RIMS1: variants seen among roughly 807,000 people sequenced by gnomAD.
RIMS1 encodes the protein regulating synaptic membrane exocytosis 1, also known as regulating synaptic membrane exocytosis protein 1.
RIMS1 carries 83 observed loss-of-function variants against 214.1 expected under a neutral mutation model. The observed-to-expected ratio is 0.39, with a 90% CI of 0.32 to 0.47. RIMS1 has a LOEUF of 0.47. RIMS1 is among the 20% of genes least tolerant of loss of function. The pLI is 0.99. For missense variants in RIMS1, 2,050 were observed against 2,161.8 expected (o/e 0.95, Z 1.03); for synonymous variants, 793 against 786.8 (o/e 1.01, Z -0.13).
At chr6:72,145,090 T>C (rs548617038) in intron 4 of RIMS1, among the ~76,000 whole-genome samples, 1 of 152,294 alleles carries the variant, frequency 6.6e-6, no homozygotes, top group Admixed American at 6.5e-5. Flanking sequence ...AAATAAACTT[T>C]AGTCTTATAC....
chr6:72,217,287 G>A (rs1431598861), intron 6 of RIMS1: 8 of 1,448,944 alleles, frequency 5.5e-6, no homozygotes, highest in South Asian at 1.3e-5. Flanking sequence ...TAAAGTTAAT[G>A]TAATTTATTG....
At chr6:72,003,585 T>C (rs965789908) in intron 2 of RIMS1, among the ~76,000 whole-genome samples, 1 of 151,956 alleles carries the variant, frequency 6.6e-6, no homozygotes, top group African/African-American at 2.4e-5. Context: ...GTTATCGATA[T>C]ACAATTTTGC....
chr6:72,148,702 C>T (rs555144243), intron 4 of RIMS1: 26 of 375,074 alleles, frequency 6.9e-5, no homozygotes, highest in Admixed American at 1.5e-4. Context: ...TTTGGGTTTG[C>T]GGAGACTTGG....
At position 72,258,159 on chromosome 6, in the gene RIMS1, T is replaced by A. The variant is rs763343377; in HGVS notation, c.2805T>A (p.Ser935=). 6.2e-7 allele frequency: 1 copy of A among 1,613,148 alleles called. No homozygotes were observed. Residue 935 remains serine, a synonymous_variant, in exon 17 of 34, where the codon TCT becomes TCA. Coordinates refer to ENST00000521978, the MANE Select transcript of RIMS1 (RefSeq NM_014989.7). Reference sequence around the variant, plus strand: ...GGTCTAGTGCTAGAGAAAGTAAATCTACAACATTAACTGTGCCAGAACAGC... The same window carrying A: ...GGTCTAGTGCTAGAGAAAGTAAATCAACAACATTAACTGTGCCAGAACAGC... ...GYRSSARESK[S]TTLTVPEQQR...
At chr6:72,387,077 G>A (rs766469948) in intron 29 of RIMS1, among the ~76,000 whole-genome samples, 2 of 151,932 alleles carry the variant, frequency 1.3e-5, no homozygotes, top group African/African-American at 2.4e-5. Context: ...TAGAATCTAC[G>A]CTCCTTTAAA....
intron 26 of RIMS1, among the ~76,000 whole-genome samples, chr6:72,301,146 A>G (rs556289081): frequency 2.6e-5 from 4 of 151,674 alleles, no homozygotes; most frequent in African/African-American, 7.2e-5. Context: ...TTTATTGTTT[A>G]TATTACTGTA....
intron 2 of RIMS1, among the ~76,000 whole-genome samples, chr6:72,033,942 C>T (rs1232897083): frequency 6.6e-6 from 1 of 151,962 alleles, no homozygotes; most frequent in Non-Finnish European, 1.5e-5. Flanking sequence ...TGAATAGTAA[C>T]TAGTGTTATA....
intron 27 of RIMS1, among the ~76,000 whole-genome samples, chr6:72,311,745 TGGATTGTCTGAGGTCA>T (rs1372634961): frequency 2.6e-5 from 4 of 151,900 alleles, no homozygotes; most frequent in Non-Finnish European, 5.9e-5. Context: ...CCGAGGTGGG[TGGATTGTCTGAGGTCA>T]GGAGTTTAAG....
At chr6:72,384,868 A>T (rs2807514) in intron 29 of RIMS1, among the ~76,000 whole-genome samples, 38,489 of 152,036 alleles carry the variant, frequency 0.25, 5,238 homozygotes, top group African/African-American at 0.33. Context: ...GTTCTTGGTG[A>T]TTAATGAGTA....
At chr6:71,928,279 C>T (rs983184698) in intron 1 of RIMS1, among the ~76,000 whole-genome samples, 1 of 151,802 alleles carries the variant, frequency 6.6e-6, no homozygotes, top group East Asian at 1.9e-4. Flanking sequence ...AACAGTATAC[C>T]CCGATCATCC....
Position 72,307,113 on chromosome 6 carries a change from G to T in RIMS1, c.3851-145G>T. 6.6e-6 allele frequency: 4 copies of T among 603,984 alleles called. No homozygotes were observed. In the East Asian group the frequency reaches 1.1e-4, roughly 17 times the overall value. The allele number at this position is 603,984 out of a possible 1,614,324, so 37.4% of individuals were successfully genotyped here. A position where few individuals can be genotyped will look rare whatever the true frequency, so the allele number is the denominator to read the frequency against. On this transcript the variant is annotated intron_variant, in intron 26 of 33. Coordinates refer to ENST00000521978, the MANE Select transcript of RIMS1 (RefSeq NM_014989.7). ...AACAGTTGCTAGTACTGTATATTCT[G>T]CATTTTTGTTTAATTTATTAATCAT...
At chr6:72,171,133 C>A (rs117875681) in intron 4 of RIMS1, among the ~76,000 whole-genome samples, 49 of 152,096 alleles carry the variant, frequency 3.2e-4, no homozygotes, top group Non-Finnish European at 5.7e-4. Context: ...CTGCCTCTTA[C>A]CTGCCATTAC....
Position 71,886,869 on chromosome 6 carries a change from TG to T in RIMS1, c.-154del. The T allele has an allele frequency of 1.6e-6, 1 of 623,842 alleles. No homozygotes were observed. Among genetic ancestry groups the T allele is most frequent in the Non-Finnish European group, 2.7e-6 (1 of 370,908 alleles). 38.6% of individuals were successfully genotyped at this position (623,842 alleles called of 1,614,324 possible). A position where few individuals can be genotyped will look rare whatever the true frequency, so the allele number is the denominator to read the frequency against. On this transcript the variant is annotated 5_prime_UTR_variant, in exon 1 of 34. The change abolishes the stop of an existing upstream ORF in the 5' untranslated region. Transcript: ENST00000521978. ...ACTGGGTTCTCGCTCTCCCCGGCTC[TG>T]CTGCTGCTGCTGCTGCCGCCGCCGC...
chr6:72,153,937 C>A (rs999036360), intron 4 of RIMS1, among the ~76,000 whole-genome samples: 5 of 152,096 alleles, frequency 3.3e-5, no homozygotes, highest in African/African-American at 1.2e-4. Flanking sequence ...AACTTCTTTG[C>A]ATGCTAGCTA....
At chr6:72,311,929 C>T (rs149921885) in intron 27 of RIMS1, among the ~76,000 whole-genome samples, 1 of 152,246 alleles carries the variant, frequency 6.6e-6, no homozygotes, top group Non-Finnish European at 1.5e-5. Context: ...CAGGATCGCG[C>T]CACTGCACTC....
intron 4 of RIMS1, among the ~76,000 whole-genome samples, chr6:72,129,491 G>T (rs72936923): frequency 0.054 from 8,209 of 152,174 alleles, 297 homozygotes; most frequent in Middle Eastern, 0.095. Flanking sequence ...AAGAACAACA[G>T]TATTACCCAA....
intron 2 of RIMS1, among the ~76,000 whole-genome samples, chr6:71,978,594 T>A (rs755376673): frequency 6.6e-6 from 1 of 152,074 alleles, no homozygotes; most frequent in African/African-American, 2.4e-5. Flanking sequence ...AAAAAGAATA[T>A]GTCATATGCA....
At chr6:72,184,079 G>A (rs1027562456) in intron 6 of RIMS1, among the ~76,000 whole-genome samples, 1 of 152,162 alleles carries the variant, frequency 6.6e-6, no homozygotes, top group Non-Finnish European at 1.5e-5. Context: ...AAAATGCCCT[G>A]TGATGCTTAT....
At chr6:71,945,273 A>G (rs1367066966) in intron 1 of RIMS1, among the ~76,000 whole-genome samples, 1 of 152,116 alleles carries the variant, frequency 6.6e-6, no homozygotes, top group African/African-American at 2.4e-5. Flanking sequence ...AGCTATGGGG[A>G]AAAAAAGAGA....
Sources: gnomAD v4.1 joint callset for allele counts (sites outside exome capture counted in the v4.1 genomes callset) on GRCh38, gnomAD v4.1.1 for gene constraint, MANE v1.5 for transcripts, NCBI Gene and HGNC (gene_info 2026-07-23, HGNC 2026-07-21) for gene names.